The following AMPD1 variants were observed in gnomAD, a reference collection of about 807,000 sequenced individuals.
AMPD1 encodes AMP deaminase 1.
Under a neutral mutation model 82.9 loss-of-function variants are expected in AMPD1, and 74 were observed. The observed-to-expected ratio is 0.89, with a 90% confidence interval of 0.74 to 1.08. The LOEUF is 1.08. AMPD1 is among the 50% of genes least tolerant of loss of function. The pLI, the probability that AMPD1 is intolerant of heterozygous loss-of-function variation, is 0.00. For missense variants in AMPD1, 881 were observed against 924.5 expected (o/e 0.95, Z 0.61); for synonymous variants, 333 against 320.5 (o/e 1.04, Z -0.42).
rs121912682 is a variant in AMPD1, at chr1:114,677,465, C to T, written c.1274G>A (p.Arg425His). ...AGGACTGCGGCCATAGATGGACAGG[C>T]GGGGCTCAGCATGCTGGTACTTGGC... is the stretch of plus-strand genomic sequence containing the variant. ...VEAKYQHAEP[R>H]LSIYGRSPDE... is the part of the protein sequence containing the mutation. The change falls in exon 10 of 16, where the codon CGC becomes CAC. Residue 425 changes from arginine (R) to histidine (H), a missense_variant. This residue lies in a region of AMPD1 where 783 missense variants were observed against 786.4 expected (regional missense o/e 1.00). Coordinates refer to ENST00000520113, the MANE Select transcript of AMPD1 (RefSeq NM_000036.3). 2.6e-4 allele frequency: 416 copies of T among 1,613,158 alleles called. No homozygotes were observed. The East Asian group carries it at 7.6e-3, about 29-fold the overall frequency.
Position 114,678,513 on chromosome 1 carries a change from G to T in AMPD1, c.912C>A (p.Ile304=), listed in dbSNP as rs766427528. 6.2e-7 allele frequency: 1 copy of T among 1,613,848 alleles called. No homozygotes were observed. Among genetic ancestry groups the T allele is most frequent in the South Asian group, 1.1e-5 (1 of 91,072 alleles). ...TCTGGTTCATGCAAGCGGCTGCATG[G>T]ATATGGGTGTCCACCTGTATGTATA... ...FYNCRKVDTH[I]HAAACMNQKH... is the part of the protein sequence containing the mutation. The change falls in exon 8 of 16, where the codon ATC becomes ATA. Residue 304 remains isoleucine (I), a synonymous_variant. Coordinates refer to ENST00000520113, the MANE Select transcript of AMPD1 (RefSeq NM_000036.3).
At chr1:114,691,950 A>G (rs972879945) in intron 2 of AMPD1, among the ~76,000 whole-genome samples, 3 of 152,138 alleles carry the variant, frequency 2.0e-5, no homozygotes, top group African/African-American at 7.2e-5. Flanking sequence ...AATTAAAATT[A>G]AAAAAAGAAA....
At chr1:114,674,193 CT>C (rs1657915653) in intron 13 of AMPD1, 111 bp from the exon 14 acceptor site, 2 of 993,512 alleles carry the variant, frequency 2.0e-6, no homozygotes, top group Admixed American at 4.6e-5. Context: ...AAAATTATCA[CT>C]TGTTCTTCAA....
intron 12 of AMPD1, 65 bp downstream of exon 12, chr1:114,675,465 T>G (rs1232763508): frequency 2.6e-6 from 4 of 1,556,758 alleles, no homozygotes; most frequent in Admixed American, 3.3e-5. Context: ...CCACCTTAAT[T>G]GCCAATATAT....
At chr1:114,680,761 G>A (rs907264200) in intron 5 of AMPD1, among the ~76,000 whole-genome samples, 1 of 152,194 alleles carries the variant, frequency 6.6e-6, no homozygotes, top group Non-Finnish European at 1.5e-5. Context: ...GAGGTCAGGA[G>A]TTTGAGACCA....
rs568687179 is a variant in AMPD1, at chr1:114,693,293, G to A, written c.34+143C>T. 7.9e-5 allele frequency: 64 copies of A among 813,002 alleles called. No individual in the cohort carries two copies. The African/African-American group carries it at 9.7e-4, about 12-fold the overall frequency. The allele number at this position is 813,002 out of a possible 1,614,324, so 50.4% of individuals were successfully genotyped here. On this transcript the variant is annotated intron_variant, in intron 2 of 15. Transcript: ENST00000520113. ...TTTGCTATGCTATGGGATATCTATGGTCATTATGAATCTTTGTTGACTTTC... is the reference window on the plus strand; with the variant it reads ...TTTGCTATGCTATGGGATATCTATGATCATTATGAATCTTTGTTGACTTTC...
intron 1 of AMPD1, 25 bp downstream of exon 1, chr1:114,695,425 C>T (rs773350976): frequency 1.9e-6 from 3 of 1,611,552 alleles, no homozygotes; most frequent in Non-Finnish European, 2.5e-6. Context: ...AACAACTGAG[C>T]TCTCCAAACA....
intron 10 of AMPD1, 115 bp from the exon 11 acceptor site, chr1:114,676,118 T>G: frequency 5.1e-5 from 62 of 1,220,424 alleles, no homozygotes; most frequent in Non-Finnish European, 6.9e-5. Flanking sequence ...GTGGTATATC[T>G]ATCCTAGGTC....
chr1:114,673,980 A>C lies in AMPD1; in HGVS notation c.1903T>G (p.Leu635Val), dbSNP rs1391330249. The C allele has an allele frequency of 1.2e-6, 2 of 1,614,000 alleles. No individual in the cohort carries two copies. The highest frequency in any genetic ancestry group is 1.7e-6 in the Non-Finnish European group (2 of 1,179,976). Residue 635 changes from leucine (L) to valine (V), a missense_variant, in exon 14 of 16, where the codon TTG becomes GTG. Physicochemically the swap from Leu to Val is conservative, Grantham distance 32 (BLOSUM62 1). Transcript: ENST00000520113. ...ATTAGCCCTTTCTGAAGGAAATCCA[A>C]AAAAGGATTTTTGGCATACTCTAGA... ...LFLEYAKNPF[L>V]DFLQKGLMIS... is the part of the protein sequence containing the mutation.
chr1:114,679,465 C>T (rs1658089121), intron 7 of AMPD1, 114 bp downstream of exon 7: 1 of 1,442,070 alleles, frequency 6.9e-7, no homozygotes, highest in South Asian at 1.2e-5. Context: ...CTAAAATCCA[C>T]TGAACCTGTA....
intron 10 of AMPD1, chr1:114,676,315 A>AC: frequency 2.8e-6 from 1 of 356,674 alleles, no homozygotes; most frequent in East Asian, 7.1e-5. Flanking sequence ...TAAAAGCTTC[A>AC]ATATATGTGT....
At chr1:114,683,205 A>C (rs1482876238) in intron 5 of AMPD1, 5 of 411,514 alleles carry the variant, frequency 1.2e-5, no homozygotes, top group African/African-American at 1.1e-4. Context: ...TCTATCCAGA[A>C]GGCAAGAAAT....
chr1:114,676,667 G>C (rs1657991221), intron 10 of AMPD1, among the ~76,000 whole-genome samples: 1 of 152,158 alleles, frequency 6.6e-6, no homozygotes, highest in Non-Finnish European at 1.5e-5. Flanking sequence ...TGCCTATTAG[G>C]AAGTATTATC....
At chr1:114,690,042 C>T (rs1658467722) in intron 2 of AMPD1, among the ~76,000 whole-genome samples, 1 of 152,110 alleles carries the variant, frequency 6.6e-6, no homozygotes, top group Admixed American at 6.6e-5. Flanking sequence ...AAACATTCCC[C>T]ACAGGATGAC....
chr1:114,675,432 A>G (rs905815920), intron 12 of AMPD1, 98 bp downstream of exon 12: 5 of 1,304,846 alleles, frequency 3.8e-6, no homozygotes, highest in African/African-American at 2.9e-5. Flanking sequence ...TGGAACCATC[A>G]CAGTAATGCA....
Position 114,674,752 on chromosome 1 carries a change from C to CT in AMPD1, c.1799dup (p.Ser601GlufsTer22). The CT allele has an allele frequency of 6.2e-7, 1 of 1,613,752 alleles. No homozygotes were observed. The highest frequency in any genetic ancestry group is 1.3e-5 in the African/African-American group (1 of 75,026). On this transcript the variant is annotated frameshift_variant and splice_region_variant, in exon 13 of 16. Coordinates refer to ENST00000520113, the MANE Select transcript of AMPD1 (RefSeq NM_000036.3). LOFTEE classifies it high-confidence loss of function. ...GTTAAGAAGAGAGCTTCCAACTCAC[C>CT]TTTTTTAAATTTAGGCCATGAGAGA...
At chr1:114,685,421 C>A (rs1658284926) in intron 4 of AMPD1, among the ~76,000 whole-genome samples, 1 of 152,190 alleles carries the variant, frequency 6.6e-6, no homozygotes, top group South Asian at 2.1e-4. Context: ...GAGAACTGAG[C>A]CCTGATTTCC....
chr1:114,677,283 T>C, intron 10 of AMPD1, 68 bp downstream of exon 10: 2 of 1,586,128 alleles, frequency 1.3e-6, no homozygotes, highest in Non-Finnish European at 1.7e-6. Flanking sequence ...CGTTCCTTGT[T>C]CATACAGGGG....
At position 114,674,031 on chromosome 1, in the gene AMPD1, A is replaced by C. The variant is rs1657910275; in HGVS notation, c.1852T>G (p.Ser618Ala). The C allele has an allele frequency of 6.2e-7, 1 of 1,613,990 alleles. No individual in the cohort carries two copies. The highest frequency in any genetic ancestry group is 1.3e-5 in the African/African-American group (1 of 74,938). The change falls in exon 14 of 16, where the codon TCA (serine) becomes GCA (alanine). Residue 618 changes from serine to alanine, a missense_variant. Around this residue, in one of 2 missense-constraint regions of AMPD1, gnomAD observed 783 missense variants for 786.4 expected, o/e 1.00. Transcript: ENST00000520113. ...AATAGGCTATTGTTACTTAGTGGTG[A>C]CATGGCGATGGGAATTTGGGCTAAG... Reference protein sequence around the residue: ...FFLAQIPIAMSPLSNNSLFLE... With the variant: ...FFLAQIPIAMAPLSNNSLFLE...
Sources: allele counts gnomAD v4.1 joint callset (sites outside exome capture counted in the v4.1 genomes callset), GRCh38; gene constraint gnomAD v4.1.1; regional missense constraint gnomAD v4.1.1; transcripts MANE v1.5; gene names NCBI Gene and HGNC (gene_info 2026-07-23, HGNC 2026-07-21).